PSG4: variants seen among roughly 807,000 people sequenced by gnomAD.
PSG4 encodes the protein pregnancy specific beta-1-glycoprotein 4.
A neutral mutation model predicts 44.3 loss-of-function variants in PSG4; 61 were observed. The ratio of observed to expected loss-of-function variants is 1.38; its 90% CI spans 1.12 to 1.70. The LOEUF (loss-of-function observed/expected upper bound fraction) is 1.70, where lower values mean the gene tolerates loss of function less well. PSG4 is among the 40% of genes most tolerant of loss of function. The probability of loss-of-function intolerance (pLI) is 0.00; values close to 1 mark genes in which losing one functional copy is unlikely to be tolerated. For synonymous variants in PSG4, 248 were observed against 191.3 expected, an observed-to-expected ratio of 1.30 and a Z score of -2.45; for missense variants, 677 against 511.7, an observed-to-expected ratio of 1.32 and a Z score of -3.12.
chr19:43,197,396 G>T (rs1263482534), intron 3 of PSG4, among the ~76,000 whole-genome samples: 1 of 145,552 alleles, frequency 6.9e-6, no homozygotes, highest in Non-Finnish European at 1.5e-5. Context: ...GCTGAGTTAT[G>T]GATGAAACAG....
At chr19:43,194,286 G>A (rs1337646079) in intron 5 of PSG4, 54 bp downstream of exon 5, 4 of 1,610,978 alleles carry the variant, frequency 2.5e-6, no homozygotes, top group African/African-American at 2.7e-5. Flanking sequence ...TTCCCTGAAT[G>A]CCAGATAGAC....
intron 5 of PSG4, chr19:43,194,128 G>T (rs562261419): frequency 1.7e-5 from 24 of 1,375,732 alleles, no homozygotes; most frequent in Non-Finnish European, 2.3e-5. Flanking sequence ...TCTCCTGCTT[G>T]GTCTAGGCTG....
intron 2 of PSG4, among the ~76,000 whole-genome samples, chr19:43,201,012 G>A (rs1967485328): frequency 6.8e-6 from 1 of 146,046 alleles, no homozygotes; most frequent in Non-Finnish European, 1.5e-5. Context: ...AGCAGGTTGA[G>A]GATGGAGTCC....
In PSG4 at chr19:43,193,276, G is replaced by T. The variant is rs1967088572; in HGVS notation, c.*96C>A. On this transcript the variant is annotated 3_prime_UTR_variant, in exon 6 of 6. Coordinates refer to ENST00000405312, the MANE Select transcript of PSG4 (RefSeq NM_002780.5). ...GGTTTTCCCATGAAATTTACATCGA[G>T]TTGTCCACCTCCAGCTTATAGGGCT... is the stretch of plus-strand genomic sequence containing the variant. 2.6e-6 allele frequency: 2 copies of T among 770,336 alleles called. No homozygotes were observed. Among genetic ancestry groups the T allele is most frequent in the Non-Finnish European group, 4.8e-6 (2 of 417,548 alleles). 47.7% of individuals were successfully genotyped at this position (770,336 alleles called of 1,614,324 possible).
At chr19:43,203,794 C>A (rs1967626571) in intron 2 of PSG4, 92 bp downstream of exon 2, 1 of 1,538,688 alleles carries the variant, frequency 6.5e-7, no homozygotes. Context: ...CAGAGAGGGA[C>A]ACAGGCAGAG....
In PSG4 at chr19:43,194,434, T is replaced by C. The variant is rs114844821; in HGVS notation, c.1149A>G (p.Gln383=). Residue 383 remains glutamine, a synonymous_variant, in exon 5 of 6, where the codon CAA becomes CAG. Coordinates refer to ENST00000405312, the MANE Select transcript of PSG4 (RefSeq NM_002780.5). ...QLSGQKLSIP[Q]ITTKHSGLYA... is the part of the protein sequence containing the mutation. ...AGAGCCCACTATGCTTTGTAGTTAT[T>C]TGGGGGATAGAGAGCTTTTGTCCTG... 1,167 of 1,612,284 alleles carry C rather than the reference T, an allele frequency of 7.2e-4. 40 individuals carry two copies. In the African/African-American group the frequency reaches 0.014, roughly 19 times the overall value.
rs144413080 is a variant in PSG4, at chr19:43,201,299, C to T, written c.430+2587G>A. The stretch of plus-strand genomic sequence containing the variant: ...CACCCTTACTTTGCCCAGGGACGGC[C>T]TTTGTCAAACTAGTGAAAGACCATG... On this transcript the variant is annotated intron_variant, in intron 2 of 5. Transcript: ENST00000405312. Among the ~76,000 whole-genome samples, 2 of 145,446 alleles carry T rather than the reference C, an allele frequency of 1.4e-5. 1 individual carries two copies. Among genetic ancestry groups the T allele is most frequent in the African/African-American group, 5.3e-5 (2 of 37,954 alleles).
Position 43,193,158 on chromosome 19 carries a change from T to A in PSG4, c.*214A>T. 2 of 713,564 alleles carry A rather than the reference T, an allele frequency of 2.8e-6. No homozygotes were observed. The highest frequency in any genetic ancestry group is 2.9e-5 in the South Asian group (2 of 68,950). 44.2% of individuals were successfully genotyped at this position (713,564 alleles called of 1,614,324 possible). A position where few individuals can be genotyped will look rare whatever the true frequency, so the allele number is the denominator to read the frequency against. Reference sequence around the variant, plus strand: ...AAAAACTGTCCACAGTGTGAAGTCATCAACTTGTTATCCTGGTTTACAGTT... The same window carrying A: ...AAAAACTGTCCACAGTGTGAAGTCAACAACTTGTTATCCTGGTTTACAGTT... On this transcript the variant is annotated 3_prime_UTR_variant, in exon 6 of 6. Coordinates refer to ENST00000405312, the MANE Select transcript of PSG4 (RefSeq NM_002780.5).
At position 43,193,018 on chromosome 19, in the gene PSG4, G is replaced by C; in HGVS notation, c.*354C>G. The C allele has an allele frequency of 3.6e-6, 2 of 556,820 alleles. No individual in the cohort carries two copies. Among genetic ancestry groups the C allele is most frequent in the Non-Finnish European group, 6.4e-6 (2 of 312,418 alleles). 34.5% of individuals were successfully genotyped at this position (556,820 alleles called of 1,614,324 possible). A position where few individuals can be genotyped will look rare whatever the true frequency, so the allele number is the denominator to read the frequency against. On this transcript the variant is annotated 3_prime_UTR_variant, in exon 6 of 6. Transcript: ENST00000405312. Reference sequence around the variant, plus strand: ...TTGTTACCCTCAGAAGCTACTACATGTGAAATTCTAATGACTGCATTATCC... The same window carrying C: ...TTGTTACCCTCAGAAGCTACTACATCTGAAATTCTAATGACTGCATTATCC...
At chr19:43,193,707 G>A in intron 5 of PSG4, 3 of 538,538 alleles carry the variant, frequency 5.6e-6, no homozygotes, top group Non-Finnish European at 3.3e-6. Flanking sequence ...CCAAACCAAG[G>A]CTGACTTCAG....
At chr19:43,198,955 GA>G (rs1759575381) in intron 2 of PSG4, 1 of 147,212 alleles carries the variant, frequency 6.8e-6, no homozygotes, top group Non-Finnish European at 1.5e-5. Context: ...GAGTGAAGGG[GA>G]CAGGCAAGAG....
chr19:43,199,651 A>T (rs1357515739), intron 2 of PSG4, among the ~76,000 whole-genome samples: 2 of 144,830 alleles, frequency 1.4e-5, no homozygotes, highest in South Asian at 2.2e-4. Flanking sequence ...CTCAATTTGT[A>T]ATACTGTAAT....
rs886187182 is a variant in PSG4 at position 43,199,554 on chromosome 19, A to C, written c.431-1279T>G. On this transcript the variant is annotated intron_variant, in intron 2 of 5. Transcript: ENST00000405312. ...AAAAATTTAAAATCCACAATGCGCCAGTGAGCACTTCTTTTTAGCATCACA... is the reference window on the plus strand; with the variant it reads ...AAAAATTTAAAATCCACAATGCGCCCGTGAGCACTTCTTTTTAGCATCACA... Among the ~76,000 whole-genome samples, 23 of 145,812 alleles carry C rather than the reference A, an allele frequency of 1.6e-4. 3 individuals are homozygous for C. The highest frequency in any genetic ancestry group is 5.5e-4 in the African/African-American group (21 of 38,164).
intron 2 of PSG4, among the ~76,000 whole-genome samples, chr19:43,199,813 T>C (rs149823745): frequency 0.01 from 1,502 of 145,724 alleles, 282 homozygotes; most frequent in African/African-American, 0.037. Context: ...GGTAGTAGTA[T>C]TTCTCTTGAG....
At chr19:43,204,366 A>G in intron 1 of PSG4, 115 bp from the exon 2 acceptor site, 8 of 1,291,998 alleles carry the variant, frequency 6.2e-6, no homozygotes, top group Non-Finnish European at 8.4e-6. Flanking sequence ...ACACACACAT[A>G]CAAACACATA....
Position 43,193,104 on chromosome 19 carries a change from G to T in PSG4, c.*268C>A, listed in dbSNP as rs1967083540. On this transcript the variant is annotated 3_prime_UTR_variant, in exon 6 of 6. Coordinates refer to ENST00000405312, the MANE Select transcript of PSG4 (RefSeq NM_002780.5). ...TTAAGAGGGGTGGGAGCCTTATCATGATGGGGAGTCTTGTTCTGACATCTT... is the reference window on the plus strand; with the variant it reads ...TTAAGAGGGGTGGGAGCCTTATCATTATGGGGAGTCTTGTTCTGACATCTT... The T allele has an allele frequency of 1.6e-6, 1 of 637,218 alleles. No homozygotes were observed. The highest frequency in any genetic ancestry group is 2.3e-5 in the Admixed American group (1 of 43,054). 39.5% of individuals were successfully genotyped at this position (637,218 alleles called of 1,614,324 possible). A position where few individuals can be genotyped will look rare whatever the true frequency, so the allele number is the denominator to read the frequency against.
chr19:43,194,325 C>T lies in PSG4; in HGVS notation c.1243+15G>A. ...ACCTAAATCCCTATTGCCAAGGATG[C>T]TGGGATCCACTTACCAGAGACTTTG... On this transcript the variant is annotated intron_variant, in intron 5 of 5. Transcript: ENST00000405312. 1.2e-6 allele frequency: 2 copies of T among 1,612,084 alleles called. No individual in the cohort carries two copies. The highest frequency in any genetic ancestry group is 8.5e-7 in the Non-Finnish European group (1 of 1,178,992).
At chr19:43,199,997 A>G (rs1309286843) in intron 2 of PSG4, among the ~76,000 whole-genome samples, 1 of 145,400 alleles carries the variant, frequency 6.9e-6, no homozygotes, top group Non-Finnish European at 1.5e-5. Flanking sequence ...CCAAATTAAA[A>G]GAAGTGATGT....
chr19:43,195,677 C>A (rs1353656800), intron 3 of PSG4, among the ~76,000 whole-genome samples: 1 of 151,422 alleles, frequency 6.6e-6, no homozygotes, highest in African/African-American at 2.4e-5. Context: ...GATGAGATTT[C>A]TCTGCAGCTT....
Sources: allele counts gnomAD v4.1 joint callset (sites outside exome capture counted in the v4.1 genomes callset), GRCh38; gene constraint gnomAD v4.1.1; transcripts MANE v1.5; gene names NCBI Gene and HGNC (gene_info 2026-07-23, HGNC 2026-07-21).